Variants in NNT observed in about 807,000 individuals in gnomAD.
NNT encodes the protein nicotinamide nucleotide transhydrogenase.
A neutral mutation model predicts 104.8 loss-of-function variants in NNT; 50 were observed. The observed-to-expected ratio is 0.48, with a 90% CI of 0.38 to 0.60. The LOEUF (loss-of-function observed/expected upper bound fraction) is 0.60. Among genes scored for constraint, NNT ranks in the 20% least tolerant of loss-of-function variants. NNT has a pLI of 0.00. For synonymous variants in NNT, 461 were observed against 490.4 expected, an observed-to-expected ratio of 0.94 and a Z score of 0.79; for missense variants, 1,131 against 1,330.7, an observed-to-expected ratio of 0.85 and a Z score of 2.33.
rs760948273 is a variant in NNT, at chr5:43,649,230, A to G, written c.1528A>G (p.Ile510Val). The stretch of plus-strand genomic sequence containing the variant: ...GGTGACCACTTTTGGCTTGGCTGGC[A>G]TTGTGGGGTATCATACCGTCTGGGG... ...QMVTTFGLAG[I>V]VGYHTVWGVT... is the part of the protein sequence containing the mutation. The change falls in exon 11 of 22, where the codon ATT becomes GTT. Residue 510 changes from isoleucine (I) to valine (V), a missense_variant. By Grantham distance (29) the Ile-to-Val change is conservative. Coordinates refer to ENST00000344920, the MANE Select transcript of NNT (RefSeq NM_182977.3). The G allele has an allele frequency of 5.6e-6, 9 of 1,614,116 alleles. No homozygotes were observed. In the East Asian group the frequency reaches 6.7e-5, roughly 12 times the overall value.
intron 19 of NNT, among the ~76,000 whole-genome samples, chr5:43,686,675 A>AAAC (rs1303925261): frequency 2.6e-5 from 4 of 152,128 alleles, no homozygotes; most frequent in Non-Finnish European, 5.9e-5. Flanking sequence ...TTTATTTGAA[A>AAAC]AACAGATGAA....
At chr5:43,618,956 G>A in intron 4 of NNT, 76 bp from the exon 5 acceptor site, 1 of 816,938 alleles carries the variant, frequency 1.2e-6, no homozygotes, top group Non-Finnish European at 1.7e-6. Flanking sequence ...CTTCATTGAT[G>A]ACTTATGATG....
intron 19 of NNT, among the ~76,000 whole-genome samples, chr5:43,680,004 T>C (rs1343443927): frequency 6.6e-6 from 1 of 151,886 alleles, no homozygotes; most frequent in Non-Finnish European, 1.5e-5. Flanking sequence ...TAATATATTG[T>C]AGTTTTTTTT....
At chr5:43,621,167 C>T (rs1750069628) in intron 5 of NNT, among the ~76,000 whole-genome samples, 1 of 152,238 alleles carries the variant, frequency 6.6e-6, no homozygotes, top group Non-Finnish European at 1.5e-5. Flanking sequence ...AAGCCGCAGC[C>T]TGTGGGCCAC....
At chr5:43,683,071 C>T (rs891562046) in intron 19 of NNT, among the ~76,000 whole-genome samples, 20 of 152,296 alleles carry the variant, frequency 1.3e-4, no homozygotes, top group African/African-American at 4.1e-4. Flanking sequence ...AATTAGCCAG[C>T]GCTTTTGGTT....
At chr5:43,616,114 A>G in intron 4 of NNT, 49 bp downstream of exon 4, 3 of 1,405,688 alleles carry the variant, frequency 2.1e-6, no homozygotes, top group Non-Finnish European at 2.0e-6. Flanking sequence ...AGTGCTACAG[A>G]AACCTTCACA....
intron 19 of NNT, among the ~76,000 whole-genome samples, chr5:43,681,187 G>A (rs1561318909): frequency 1.3e-5 from 2 of 149,924 alleles, no homozygotes; most frequent in East Asian, 2.0e-4. Flanking sequence ...GTGAACCCAG[G>A]AGGTGGAGCT....
At chr5:43,606,374 C>T (rs555387138) in intron 1 of NNT, among the ~76,000 whole-genome samples, 113 of 152,220 alleles carry the variant, frequency 7.4e-4, no homozygotes, top group Non-Finnish European at 1.3e-3. Flanking sequence ...GGCATAGATT[C>T]GGTAGGGGTT....
At chr5:43,695,979 G>A (rs2112223986) in intron 19 of NNT, among the ~76,000 whole-genome samples, 1 of 152,240 alleles carries the variant, frequency 6.6e-6, no homozygotes, top group East Asian at 1.9e-4. Flanking sequence ...CATTTTGGTA[G>A]AGACACAGCC....
chr5:43,629,098 C>T (rs1407756974), intron 7 of NNT, among the ~76,000 whole-genome samples: 1 of 152,060 alleles, frequency 6.6e-6, no homozygotes, highest in African/African-American at 2.4e-5. Context: ...TTTTGGTGCA[C>T]CTGTCACCTG....
chr5:43,635,057 A>G (rs547383113), intron 7 of NNT, among the ~76,000 whole-genome samples: 1 of 152,302 alleles, frequency 6.6e-6, no homozygotes, highest in Admixed American at 6.5e-5. Context: ...CTAATGTACT[A>G]GTACTTCCCT....
At chr5:43,651,433 C>T (rs1739758148) in intron 12 of NNT, among the ~76,000 whole-genome samples, 1 of 152,100 alleles carries the variant, frequency 6.6e-6, no homozygotes, top group East Asian at 1.9e-4. Context: ...CAAAAATTAG[C>T]CCAGCATAGT....
At chr5:43,682,798 T>G (rs1741792417) in intron 19 of NNT, among the ~76,000 whole-genome samples, 1 of 152,238 alleles carries the variant, frequency 6.6e-6, no homozygotes, top group South Asian at 2.1e-4. Context: ...AACAAATAAT[T>G]ATAATATATA....
chr5:43,630,935 C>T (rs896343891), intron 7 of NNT, among the ~76,000 whole-genome samples: 42 of 152,110 alleles, frequency 2.8e-4, no homozygotes, highest in Admixed American at 1.6e-3. Context: ...TGTCATGAGG[C>T]TATGAAAGAG....
rs1056600199 is a variant in NNT, at chr5:43,680,841, T to A, written c.2876+3035T>A. Among the ~76,000 whole-genome samples the A allele has an allele frequency of 2.6e-5, 4 of 152,226 alleles. No individual in the cohort carries two copies. In the East Asian group the frequency reaches 7.7e-4, roughly 29 times the overall value. On this transcript the variant is annotated intron_variant, in intron 19 of 21. Coordinates refer to ENST00000344920, the MANE Select transcript of NNT (RefSeq NM_182977.3). Reference sequence around the variant, plus strand: ...CTGTATAGCTTACCTAACTTCTGCTTGATGTCTAAAAGGATTTTATGACAA... The same window carrying A: ...CTGTATAGCTTACCTAACTTCTGCTAGATGTCTAAAAGGATTTTATGACAA...
intron 18 of NNT, 86 bp from the exon 19 acceptor site, chr5:43,677,639 A>C (rs183228353): frequency 8.5e-7 from 1 of 1,174,262 alleles, no homozygotes; most frequent in East Asian, 2.4e-5. Context: ...TGGCATAAAC[A>C]TGTGTTTTCA....
At chr5:43,675,329 C>T (rs759726410) in intron 17 of NNT, among the ~76,000 whole-genome samples, 182 bp from the exon 18 acceptor site, 1 of 152,146 alleles carries the variant, frequency 6.6e-6, no homozygotes, top group Non-Finnish European at 1.5e-5. Context: ...TCTCAGATAT[C>T]TTCTGTCATT....
rs773422162 is a variant in NNT at position 43,649,224 on chromosome 5, G to T, written c.1522G>T (p.Ala508Ser). Reference protein sequence around the residue: ...FSQMVTTFGLAGIVGYHTVWG... With the variant: ...FSQMVTTFGLSGIVGYHTVWG... ...TCAGATGGTGACCACTTTTGGCTTG[G>T]CTGGCATTGTGGGGTATCATACCGT... The change falls in exon 11 of 22, where the codon GCT (alanine) becomes TCT (serine). Residue 508 changes from alanine (A) to serine (S), a missense_variant. Transcript: ENST00000344920. 5 of 1,614,044 alleles carry T rather than the reference G, an allele frequency of 3.1e-6. No individual in the cohort carries two copies. The African/African-American group carries it at 5.3e-5, about 17-fold the overall frequency.
intron 5 of NNT, among the ~76,000 whole-genome samples, chr5:43,619,590 T>G (rs1256389744): frequency 2.6e-5 from 4 of 152,144 alleles, no homozygotes; most frequent in Non-Finnish European, 4.4e-5. Context: ...GGTGCCAGTT[T>G]CTTTAATCCA....
Sources: gnomAD v4.1 joint callset for allele counts (sites outside exome capture counted in the v4.1 genomes callset) on GRCh38, gnomAD v4.1.1 for gene constraint, MANE v1.5 for transcripts, NCBI Gene and HGNC (gene_info 2026-07-23, HGNC 2026-07-21) for gene names.